The following EPM2A variants were observed in gnomAD, a reference collection of about 807,000 sequenced individuals.
The protein encoded by EPM2A is EPM2A glucan phosphatase, laforin, also known as laforin.
EPM2A carries 21 observed loss-of-function variants against 26.5 expected under a neutral mutation model. The observed-to-expected ratio is 0.79, with a 90% confidence interval of 0.56 to 1.14. The LOEUF is 1.14. Among genes scored for constraint, EPM2A ranks in the 50% most tolerant of loss-of-function variants. The pLI is 0.00. For synonymous variants in EPM2A, 217 were observed against 177.6 expected (o/e 1.22, Z -1.76); for missense variants, 458 against 440.8 (o/e 1.04, Z -0.35).
At position 145,652,542 on chromosome 6, in the gene EPM2A, T is replaced by C. The variant is rs371713200; in HGVS notation, c.477-17056A>G. On this transcript the variant is annotated intron_variant, in intron 2 of 3. Coordinates refer to ENST00000367519, the MANE Select transcript of EPM2A (RefSeq NM_005670.4). ...AAAATACATGAGTACCACTCAATTA[T>C]TTTAGAAACTAATATATCCATATAG... Among the ~76,000 whole-genome samples the C allele has an allele frequency of 7.2e-5, 11 of 152,222 alleles. No individual in the cohort carries two copies. In the South Asian group the frequency reaches 2.3e-3, roughly 32 times the overall value.
intron 2 of EPM2A, among the ~76,000 whole-genome samples, chr6:145,592,652 G>A (rs997620109): frequency 2.0e-5 from 3 of 152,122 alleles, no homozygotes; most frequent in African/African-American, 7.2e-5. Context: ...GTTGTTTCCT[G>A]ACTTTTTAAT....
At chr6:145,503,780 C>T (rs376103416) in intron 2 of EPM2A, among the ~76,000 whole-genome samples, 10 of 23,950 alleles carry the variant, frequency 4.2e-4, no homozygotes, top group Non-Finnish European at 5.9e-4. Context: ...GAGCCCGCAT[C>T]GCCAAGTCAA....
chr6:145,463,669 A>C (rs867056), intron 4 of EPM2A, among the ~76,000 whole-genome samples: 112,033 of 151,944 alleles, frequency 0.74, 41,814 homozygotes, highest in East Asian at 0.87. Context: ...AGTTCAACTA[A>C]CAATGGATGT....
At chr6:145,724,866 T>C (rs1776117460) in intron 1 of EPM2A, among the ~76,000 whole-genome samples, 1 of 151,966 alleles carries the variant, frequency 6.6e-6, no homozygotes, top group Non-Finnish European at 1.5e-5. Flanking sequence ...CTTATAAATA[T>C]ATACATATGT....
chr6:145,553,921 T>G (rs1780687653), intron 2 of EPM2A, among the ~76,000 whole-genome samples: 1 of 150,014 alleles, frequency 6.7e-6, no homozygotes, highest in Non-Finnish European at 1.5e-5. Flanking sequence ...AAATTCACAT[T>G]GGCATGGGCA....
intron 2 of EPM2A, among the ~76,000 whole-genome samples, chr6:145,653,569 A>G (rs1049699768): frequency 2.0e-5 from 3 of 152,264 alleles, no homozygotes; most frequent in Admixed American, 6.5e-5. Context: ...GAGAACAAAT[A>G]GGACATGTGC....
intron 3 of EPM2A, 113 bp downstream of exon 3, chr6:145,635,132 T>C (rs1776547910): frequency 2.5e-6 from 3 of 1,210,852 alleles, no homozygotes; most frequent in Non-Finnish European, 3.6e-6. Context: ...TAAAATCTTA[T>C]ATTTATTCCA....
At chr6:145,673,013 G>A (rs1247008764) in intron 2 of EPM2A, among the ~76,000 whole-genome samples, 2 of 151,764 alleles carry the variant, frequency 1.3e-5, no homozygotes, top group Middle Eastern at 3.2e-3. Context: ...GAATTTCCAG[G>A]TACCAGAGGA....
intron 4 of EPM2A, among the ~76,000 whole-genome samples, chr6:145,416,551 G>A (rs1232165053): frequency 1.3e-5 from 2 of 152,110 alleles, no homozygotes. Flanking sequence ...ACAGAGGAAT[G>A]GCAGAAAGCC....
At chr6:145,469,627 A>T (rs540419179) in intron 4 of EPM2A, among the ~76,000 whole-genome samples, 15 of 152,210 alleles carry the variant, frequency 9.9e-5, no homozygotes, top group Admixed American at 1.3e-4. Flanking sequence ...TTCTTCAAAA[A>T]ATTAAAAGTA....
At chr6:145,603,251 C>T (rs1781439500) in intron 2 of EPM2A, among the ~76,000 whole-genome samples, 1 of 150,146 alleles carries the variant, frequency 6.7e-6, no homozygotes, top group African/African-American at 2.5e-5. Flanking sequence ...AACTAAACTA[C>T]TTAGAAGAGA....
intron 2 of EPM2A, among the ~76,000 whole-genome samples, chr6:145,571,312 C>A (rs1172499082): frequency 6.6e-6 from 1 of 152,222 alleles, no homozygotes; most frequent in Non-Finnish European, 1.5e-5. Flanking sequence ...TTCCACTTTT[C>A]TATCAATCCA....
intron 2 of EPM2A, among the ~76,000 whole-genome samples, chr6:145,548,722 T>C (rs1256935050): frequency 1.3e-5 from 2 of 152,104 alleles, no homozygotes; most frequent in Non-Finnish European, 2.9e-5. Flanking sequence ...CCCTTCTCTG[T>C]TGCCTTCTGC....
chr6:145,625,071 G>A (rs1469730899), downstream of EPM2A, among the ~76,000 whole-genome samples: 1 of 152,084 alleles, frequency 6.6e-6, no homozygotes, highest in East Asian at 1.9e-4. Context: ...TATCTGCTTT[G>A]ATTTTCTCAG....
Position 145,735,349 on chromosome 6 carries a change from C to T in EPM2A, c.150G>A (p.Gly50=), listed in dbSNP as rs1172438064. ...LRPAGTAAGD[G]ALALQEPGLW... ...GGCCCGGCTCCTGCAGGGCCAGGGC[C>T]CCGTCGCCCGCCGCGGTGCCGGCCG... Residue 50 remains glycine, a synonymous_variant, in exon 1 of 4, where the codon GGG becomes GGA. Coordinates refer to ENST00000367519, the MANE Select transcript of EPM2A (RefSeq NM_005670.4). 1 of 1,331,692 alleles carries T rather than the reference C, an allele frequency of 7.5e-7. No homozygotes were observed. The highest frequency in any genetic ancestry group is 9.6e-7 in the Non-Finnish European group (1 of 1,040,186). 82.5% of individuals were successfully genotyped at this position (1,331,692 alleles called of 1,614,324 possible). A position where few individuals can be genotyped will look rare whatever the true frequency, so the allele number is the denominator to read the frequency against.
intron 4 of EPM2A, among the ~76,000 whole-genome samples, chr6:145,472,280 G>A (rs1241501808): frequency 1.3e-5 from 2 of 151,784 alleles, no homozygotes; most frequent in African/African-American, 2.4e-5. Flanking sequence ...CCTACATGGA[G>A]GGCCCTGGTG....
chr6:145,392,768 T>C (rs1778354715), intron 4 of EPM2A, among the ~76,000 whole-genome samples: 1 of 152,102 alleles, frequency 6.6e-6, no homozygotes, highest in South Asian at 2.1e-4. Flanking sequence ...GCTCCAGATG[T>C]TAGCGGGACT....
At chr6:145,390,741 A>G (rs909916008) in intron 4 of EPM2A, among the ~76,000 whole-genome samples, 2 of 152,050 alleles carry the variant, frequency 1.3e-5, no homozygotes, top group African/African-American at 2.4e-5. Flanking sequence ...GCATTTTTAC[A>G]TCATATTTTT....
chr6:145,544,911 T>G (rs1268014924), intron 2 of EPM2A, among the ~76,000 whole-genome samples: 1 of 152,208 alleles, frequency 6.6e-6, no homozygotes, highest in Non-Finnish European at 1.5e-5. Flanking sequence ...CAAAATGACA[T>G]GTATCACTTG....
Sources: allele counts gnomAD v4.1 joint callset (sites outside exome capture counted in the v4.1 genomes callset), GRCh38; gene constraint gnomAD v4.1.1; transcripts MANE v1.5; gene names NCBI Gene and HGNC (gene_info 2026-07-23, HGNC 2026-07-21).